Variants in SOX5 observed in about 807,000 individuals in gnomAD.
SOX5 encodes the protein SRY-box transcription factor 5, also known as transcription factor SOX-5.
Under a neutral mutation model 92.0 loss-of-function variants are expected in SOX5, and 9 were observed. The observed-to-expected ratio is 0.10, with a 90% CI of 0.06 to 0.17. The LOEUF (loss-of-function observed/expected upper bound fraction) is 0.17. Ranked by LOEUF, SOX5 falls within the 10% of genes least tolerant of loss-of-function variation. The pLI is 1.00. For synonymous variants in SOX5, 344 were observed against 336.3 expected, an observed-to-expected ratio of 1.02 and a Z score of -0.25; for missense variants, 642 against 944.5, an observed-to-expected ratio of 0.68 and a Z score of 4.20.
intron 1 of SOX5, among the ~76,000 whole-genome samples, chr12:24,511,313 T>C (rs1380144829): frequency 6.6e-6 from 1 of 152,222 alleles, no homozygotes; most frequent in East Asian, 1.9e-4. Flanking sequence ...TGTGGTAATG[T>C]GTTCATCTCC....
rs2097178761 is a variant in SOX5 at position 23,896,453 on chromosome 12, TAG to T, written c.39-431_39-430del. Reference sequence around the variant, plus strand: ...AACTAAAATTTCTTTCATCAAAAAATAGACTCAATATATAAATGATTGCCATT... The same window carrying T: ...AACTAAAATTTCTTTCATCAAAAAATACTCAATATATAAATGATTGCCATT... On this transcript the variant is annotated intron_variant, in intron 1 of 14. Transcript: ENST00000451604. Among the ~76,000 whole-genome samples, 3 of 152,180 alleles carry T rather than the reference TAG, an allele frequency of 2.0e-5. No homozygotes were observed. The South Asian group carries it at 6.2e-4, about 32-fold the overall frequency.
chr12:24,397,366 C>T (rs894185689), intron 1 of SOX5, among the ~76,000 whole-genome samples: 2 of 152,180 alleles, frequency 1.3e-5, no homozygotes, highest in African/African-American at 4.8e-5. Flanking sequence ...CTTATCGCCT[C>T]AAGATCCTGA....
intron 6 of SOX5, among the ~76,000 whole-genome samples, chr12:23,702,037 C>T (rs2090713925): frequency 6.6e-6 from 1 of 152,034 alleles, no homozygotes; most frequent in Admixed American, 6.6e-5. Context: ...AGATTTACCT[C>T]ATAGAATACA....
chr12:24,267,579 A>C (rs1021971201), intron 3 of SOX5, among the ~76,000 whole-genome samples: 3 of 152,144 alleles, frequency 2.0e-5, no homozygotes, highest in Admixed American at 6.6e-5. Flanking sequence ...ATAATCTAGA[A>C]TTTCTGTACT....
chr12:23,821,014 C>G (rs1413191239), intron 3 of SOX5, among the ~76,000 whole-genome samples: 2 of 152,028 alleles, frequency 1.3e-5, no homozygotes, highest in Non-Finnish European at 2.9e-5. Context: ...TTACTTTGGG[C>G]AGTATGGCCA....
chr12:23,728,796 T>C (rs2093271654), intron 6 of SOX5, among the ~76,000 whole-genome samples: 1 of 152,060 alleles, frequency 6.6e-6, no homozygotes, highest in South Asian at 2.1e-4. Flanking sequence ...ATTGGTAAAA[T>C]AAAAATGAAC....
At chr12:23,858,076 T>C (rs200151010) in intron 2 of SOX5, among the ~76,000 whole-genome samples, 13,261 of 152,110 alleles carry the variant, frequency 0.087, 619 homozygotes, top group South Asian at 0.11. Flanking sequence ...TGTATGTGTG[T>C]GTGTGTGTGT....
rs116148934 is a variant in SOX5 at position 23,977,525 on chromosome 12, C to T, written c.-1-81501G>A. On this transcript the variant is annotated intron_variant, in intron 4 of 4. Transcript: ENST00000446891. ...TCTCTACTAAAGAATTAGCCGGGACCGGTGGTGCATGCCTGTTATCCCAGC... is the reference window on the plus strand; with the variant it reads ...TCTCTACTAAAGAATTAGCCGGGACTGGTGGTGCATGCCTGTTATCCCAGC... Among the ~76,000 whole-genome samples, 1,265 of 152,002 alleles carry T rather than the reference C, an allele frequency of 8.3e-3. 23 individuals are homozygous for T. The highest frequency in any genetic ancestry group is 0.029 in the African/African-American group (1,198 of 41,472).
chr12:23,739,102 C>T (rs1377894480), intron 5 of SOX5, among the ~76,000 whole-genome samples: 2 of 152,164 alleles, frequency 1.3e-5, no homozygotes. Context: ...TGCTAGCTTA[C>T]ACTTTGAAAG....
intron 6 of SOX5, among the ~76,000 whole-genome samples, chr12:23,688,261 A>G (rs770249139): frequency 3.9e-5 from 6 of 152,074 alleles, no homozygotes; most frequent in Non-Finnish European, 7.4e-5. Flanking sequence ...CACTTGGAAA[A>G]TTATTTTTTA....
chr12:24,539,332 A>G (rs2138773811), intron 1 of SOX5, among the ~76,000 whole-genome samples: 2 of 152,292 alleles, frequency 1.3e-5, no homozygotes, highest in Middle Eastern at 6.8e-3. Flanking sequence ...CCAGGGTAAA[A>G]TAATTACTAT....
At chr12:23,683,312 T>G (rs1175237457) in intron 6 of SOX5, among the ~76,000 whole-genome samples, 1 of 151,836 alleles carries the variant, frequency 6.6e-6, no homozygotes, top group African/African-American at 2.4e-5. Flanking sequence ...TACATTCCAT[T>G]TTATATTTTT....
chr12:23,672,516 A>G (rs560846081), intron 6 of SOX5, among the ~76,000 whole-genome samples: 1 of 152,286 alleles, frequency 6.6e-6, no homozygotes, highest in South Asian at 2.1e-4. Context: ...AAGAAGCAGC[A>G]CCACAGAGAG....
chr12:23,674,617 C>T (rs1391602704), intron 6 of SOX5, among the ~76,000 whole-genome samples: 1 of 151,882 alleles, frequency 6.6e-6, no homozygotes, highest in Non-Finnish European at 1.5e-5. Context: ...GGATTACAGG[C>T]ATGAGCCACC....
At position 24,431,796 on chromosome 12, in the gene SOX5, G is replaced by A. The variant is rs531534387; in HGVS notation, c.-250-63157C>T. On this transcript the variant is annotated intron_variant, in intron 1 of 4. Coordinates refer to the SOX5 transcript ENST00000446891. ...ATGCAAGTATTTTATGCAAGCTGCTGACACCTGACTAAAAAGGCAAGAATT... is the reference window on the plus strand; with the variant it reads ...ATGCAAGTATTTTATGCAAGCTGCTAACACCTGACTAAAAAGGCAAGAATT... Among the ~76,000 whole-genome samples, 170 of 152,296 alleles carry A rather than the reference G, an allele frequency of 1.1e-3. 1 individual carries two copies. The highest frequency in any genetic ancestry group is 4.0e-3 in the African/African-American group (165 of 41,562).
intron 4 of SOX5, among the ~76,000 whole-genome samples, chr12:23,963,154 T>C (rs10771042): frequency 0.47 from 71,901 of 152,008 alleles, 17,758 homozygotes; most frequent in African/African-American, 0.57. Flanking sequence ...AAGAATACTT[T>C]AATGGATGTA....
chr12:24,364,979 C>G (rs1273443304), intron 2 of SOX5, among the ~76,000 whole-genome samples: 1 of 151,942 alleles, frequency 6.6e-6, no homozygotes, highest in Non-Finnish European at 1.5e-5. Flanking sequence ...TGATCATCCC[C>G]CAAAATAGCT....
At chr12:23,653,018 GAATGTACAGATA>G (rs749359972) in intron 7 of SOX5, among the ~76,000 whole-genome samples, 53 of 141,006 alleles carry the variant, frequency 3.8e-4, no homozygotes, top group African/African-American at 1.3e-3. Context: ...ATGGATGGAT[GAATGTACAGATA>G]GATGGATGGA....
intron 2 of SOX5, among the ~76,000 whole-genome samples, chr12:23,868,451 C>T (rs2096838522): frequency 6.6e-6 from 1 of 152,084 alleles, no homozygotes. Context: ...TATAGGTACT[C>T]ATTGTCATTT....
Sources: gnomAD v4.1 joint callset for allele counts (sites outside exome capture counted in the v4.1 genomes callset) on GRCh38, gnomAD v4.1.1 for gene constraint, MANE v1.5 for transcripts, NCBI Gene and HGNC (gene_info 2026-07-23, HGNC 2026-07-21) for gene names.